The following CSMD1 variants were observed in gnomAD, a reference collection of about 807,000 sequenced individuals.
The protein encoded by CSMD1 is CUB and sushi domain-containing protein 1.
Under a neutral mutation model 417.5 loss-of-function variants are expected in CSMD1, and 213 were observed. That is an observed-to-expected ratio of 0.51 (90% confidence interval 0.46 to 0.57). CSMD1 has a LOEUF of 0.57. Ranked by LOEUF, CSMD1 falls within the 20% of genes least tolerant of loss-of-function variation. The pLI is 0.00. For synonymous variants in CSMD1, 2,862 were observed against 1,736.8 expected, an observed-to-expected ratio of 1.65 and a Z score of -16.11; for missense variants, 6,923 against 4,529.7, an observed-to-expected ratio of 1.53 and a Z score of -15.17.
At chr8:4,340,196 G>C (rs918748556) in intron 3 of CSMD1, among the ~76,000 whole-genome samples, 1 of 151,702 alleles carries the variant, frequency 6.6e-6, no homozygotes, top group Admixed American at 6.6e-5. Context: ...AAAAACTAAT[G>C]ACACCTTCGC....
intron 1 of CSMD1, among the ~76,000 whole-genome samples, chr8:4,938,754 G>C (rs780066762): frequency 6.6e-6 from 1 of 152,186 alleles, no homozygotes. Flanking sequence ...AGGTTAAAAA[G>C]TGTGTGGCCT....
chr8:4,750,156 C>T (rs920643120), intron 1 of CSMD1, among the ~76,000 whole-genome samples: 6 of 152,126 alleles, frequency 3.9e-5, no homozygotes, highest in Admixed American at 2.6e-4. Flanking sequence ...CAGGCGCCCG[C>T]CACCACGCCC....
At chr8:3,217,633 C>T (rs1304573128) in intron 29 of CSMD1, among the ~76,000 whole-genome samples, 1 of 152,110 alleles carries the variant, frequency 6.6e-6, no homozygotes, top group Non-Finnish European at 1.5e-5. Context: ...GGCAAAGGCT[C>T]AAAAGTACTG....
At chr8:3,405,057 A>G (rs1357158271) in intron 15 of CSMD1, among the ~76,000 whole-genome samples, 1 of 152,194 alleles carries the variant, frequency 6.6e-6, no homozygotes, top group African/African-American at 2.4e-5. Flanking sequence ...TTTACACTAC[A>G]ATACCATGAT....
At chr8:3,718,030 C>G (rs927481941) in intron 6 of CSMD1, among the ~76,000 whole-genome samples, 16 of 152,264 alleles carry the variant, frequency 1.1e-4, no homozygotes, top group East Asian at 3.9e-4. Flanking sequence ...TCTCTGCCCA[C>G]ATTGTTTTAG....
rs577843586 is a variant in CSMD1, at chr8:3,825,389, G to T, written c.819-71347C>A. Among the ~76,000 whole-genome samples the T allele has an allele frequency of 6.4e-3, 971 of 152,158 alleles. 7 individuals carry two copies. The highest frequency in any genetic ancestry group is 0.011 in the Non-Finnish European group (734 of 68,004). On this transcript the variant is annotated intron_variant, in intron 5 of 69. Transcript: ENST00000635120. ...TAGTAAAAATACAAAATTAGCCAGG[G>T]GTGGTGGTAGGCACCTGTAATCCCA...
In CSMD1 at chr8:4,146,895, G is replaced by C. The variant is rs184091828; in HGVS notation, c.416-114796C>G. 2.7e-3 allele frequency among the ~76,000 whole-genome samples: 388 copies of C among 144,420 alleles called. 20 individuals are homozygous for C. Among genetic ancestry groups the C allele is most frequent in the African/African-American group, 9.9e-3 (342 of 34,384 alleles). The allele number at this position is 144,420 out of a possible 152,430, so 94.7% of individuals were successfully genotyped here. ...AAAGTGCCGGCGTGATTACATGTGTGAGCCACCGCACCGGCCAGACACACT... is the reference window on the plus strand; with the variant it reads ...AAAGTGCCGGCGTGATTACATGTGTCAGCCACCGCACCGGCCAGACACACT... On this transcript the variant is annotated intron_variant, in intron 3 of 69. Transcript: ENST00000635120.
intron 4 of CSMD1, among the ~76,000 whole-genome samples, chr8:4,009,567 C>A (rs1329389404): frequency 1.3e-5 from 2 of 152,146 alleles, no homozygotes; most frequent in African/African-American, 4.8e-5. Context: ...GCAGGTTATA[C>A]AGTTGGATGT....
At chr8:3,716,983 A>T (rs1421360213) in intron 6 of CSMD1, among the ~76,000 whole-genome samples, 3 of 152,178 alleles carry the variant, frequency 2.0e-5, no homozygotes, top group Non-Finnish European at 4.4e-5. Context: ...ACAAAAAAAT[A>T]AAAAATTGAG....
At chr8:4,925,273 G>A (rs1324889434) in intron 1 of CSMD1, among the ~76,000 whole-genome samples, 1 of 142,688 alleles carries the variant, frequency 7.0e-6, no homozygotes, top group African/African-American at 2.6e-5. Flanking sequence ...CTGGGAAGGG[G>A]CTCAAGAGTT....
At chr8:4,282,351 C>G (rs1028611269) in intron 3 of CSMD1, among the ~76,000 whole-genome samples, 1 of 152,124 alleles carries the variant, frequency 6.6e-6, no homozygotes, top group African/African-American at 2.4e-5. Context: ...GATCTTCTGG[C>G]CACTGGACAA....
At position 3,726,631 on chromosome 8, in the gene CSMD1, A is replaced by G. The variant is rs568727743; in HGVS notation, c.932-18140T>C. Among the ~76,000 whole-genome samples the G allele has an allele frequency of 4.6e-5, 7 of 152,266 alleles. No homozygotes were observed. The South Asian group carries it at 1.0e-3, about 23-fold the overall frequency. On this transcript the variant is annotated intron_variant, in intron 6 of 69. Coordinates refer to ENST00000635120, the MANE Select transcript of CSMD1 (RefSeq NM_033225.6). ...CTGTGTTACGAGGGTAGGTACATCA[A>G]TCCTTTTTTATGTTCCATCATACAG...
chr8:4,129,404 C>T (rs1802960548), intron 3 of CSMD1, among the ~76,000 whole-genome samples: 1 of 152,072 alleles, frequency 6.6e-6, no homozygotes, highest in Non-Finnish European at 1.5e-5. Flanking sequence ...CCATGTTCTC[C>T]TTTCTTGGCT....
chr8:4,095,074 T>G (rs996971294), intron 3 of CSMD1, among the ~76,000 whole-genome samples: 13 of 152,114 alleles, frequency 8.5e-5, no homozygotes, highest in Non-Finnish European at 1.6e-4. Flanking sequence ...AACAAGAGCT[T>G]GGATTAATGT....
chr8:4,137,651 T>C (rs961438282), intron 3 of CSMD1, among the ~76,000 whole-genome samples: 4 of 131,560 alleles, frequency 3.0e-5, no homozygotes, highest in African/African-American at 9.9e-5. Flanking sequence ...GCAGTTTCAA[T>C]ATAAATTCAT....
At chr8:4,114,562 A>AACGC (rs1802031172) in intron 3 of CSMD1, among the ~76,000 whole-genome samples, 1 of 5,082 alleles carries the variant, frequency 2.0e-4, no homozygotes, top group Admixed American at 4.6e-3. Flanking sequence ...TAACTTAATA[A>AACGC]ATGCATAAGT....
chr8:4,194,551 C>A (rs1306890706), intron 3 of CSMD1, among the ~76,000 whole-genome samples: 1 of 152,064 alleles, frequency 6.6e-6, no homozygotes, highest in Non-Finnish European at 1.5e-5. Flanking sequence ...ATAATGTTGG[C>A]AACAGCAAAT....
chr8:4,322,212 A>T (rs1299295008), intron 3 of CSMD1, among the ~76,000 whole-genome samples: 3 of 152,240 alleles, frequency 2.0e-5, no homozygotes, highest in African/African-American at 7.2e-5. Flanking sequence ...ATGGTTCCAT[A>T]TAGATAATTC....
At chr8:4,806,924 T>C (rs1341115142) in intron 1 of CSMD1, among the ~76,000 whole-genome samples, 1 of 152,220 alleles carries the variant, frequency 6.6e-6, no homozygotes, top group Non-Finnish European at 1.5e-5. Flanking sequence ...GATGCATGCC[T>C]GCGCTCTTAA....
Sources: allele counts gnomAD v4.1 joint callset (sites outside exome capture counted in the v4.1 genomes callset), GRCh38; gene constraint gnomAD v4.1.1; transcripts MANE v1.5; gene names NCBI Gene and HGNC (gene_info 2026-07-23, HGNC 2026-07-21).